PARP16: variants seen among roughly 807,000 people sequenced by gnomAD.
PARP16 encodes protein mono-ADP-ribosyltransferase PARP16.
A neutral mutation model predicts 35.0 loss-of-function variants in PARP16; 31 were observed. The observed-to-expected ratio is 0.88, with a 90% CI of 0.66 to 1.19. The LOEUF is 1.19. PARP16 is among the 50% of genes most tolerant of loss of function. PARP16 has a pLI of 0.00. For synonymous variants in PARP16, 162 were observed against 169.5 expected (o/e 0.96, Z 0.34); for missense variants, 424 against 411.2 (o/e 1.03, Z -0.27).
At chr15:65,232,225 G>A (rs1054842300), downstream of PARP16, among the ~76,000 whole-genome samples, 1 of 152,122 alleles carries the variant, frequency 6.6e-6, no homozygotes, top group African/African-American at 2.4e-5. Context: ...AGGTAGTGGT[G>A]TTTATATCTA....
intron 3 of PARP16, among the ~76,000 whole-genome samples, chr15:65,240,528 ACT>A (rs2089043466): frequency 6.6e-6 from 1 of 150,696 alleles, no homozygotes; most frequent in African/African-American, 2.4e-5. Context: ...TGGCCTATAT[ACT>A]CTTTTTTATA....
chr15:65,282,373 C>T (rs2090445358), intron 1 of PARP16, among the ~76,000 whole-genome samples: 1 of 152,174 alleles, frequency 6.6e-6, no homozygotes, highest in East Asian at 1.9e-4. Context: ...CTAGCCAGTC[C>T]ATTCCAGACC....
chr15:65,278,076 G>A (rs1283147725), intron 1 of PARP16, among the ~76,000 whole-genome samples: 2 of 152,182 alleles, frequency 1.3e-5, no homozygotes, highest in Admixed American at 1.3e-4. Flanking sequence ...CGGCAGATGG[G>A]CAGAGAAGTG....
chr15:65,275,108 C>T (rs898316821), intron 1 of PARP16, among the ~76,000 whole-genome samples: 1 of 151,036 alleles, frequency 6.6e-6, no homozygotes, highest in Non-Finnish European at 1.5e-5. Flanking sequence ...CAGCGAGACC[C>T]TGTCTCAAAA....
At chr15:65,271,381 C>A (rs1262117522) in intron 1 of PARP16, among the ~76,000 whole-genome samples, 1 of 152,028 alleles carries the variant, frequency 6.6e-6, no homozygotes, top group East Asian at 1.9e-4. Flanking sequence ...TCAAGCAATT[C>A]TCCCACCTCA....
downstream of PARP16, among the ~76,000 whole-genome samples, chr15:65,232,011 ATTGT>A (rs1020381574): frequency 2.0e-5 from 3 of 151,848 alleles, no homozygotes; most frequent in Non-Finnish European, 4.4e-5. Context: ...ATTCTTGCTT[ATTGT>A]TTGTACCTAC....
Position 65,240,312 on chromosome 15 carries a change from T to TGTGGG in PARP16, c.*98-5490_*98-5489insCCCAC, listed in dbSNP as rs1567008503. On this transcript the variant is annotated intron_variant and NMD_transcript_variant, in intron 3 of 3. Transcript: ENST00000559805. ...GCCTGGCTAGTGTGTGTGTGTGTGG[T>TGTGGG]GGGGGGGGCTAGTGTGTGTGTGTGT... Among the ~76,000 whole-genome samples the TGTGGG allele has an allele frequency of 1.9e-3, 192 of 102,246 alleles. 1 individual carries two copies. Among genetic ancestry groups the TGTGGG allele is most frequent in the Non-Finnish European group, 3.0e-3 (137 of 45,344 alleles). 67.1% of individuals were successfully genotyped at this position (102,246 alleles called of 152,430 possible). A position where few individuals can be genotyped will look rare whatever the true frequency, so the allele number is the denominator to read the frequency against.
intron 3 of PARP16, among the ~76,000 whole-genome samples, chr15:65,264,541 A>T (rs2089832539): frequency 6.6e-6 from 1 of 152,176 alleles, no homozygotes; most frequent in East Asian, 1.9e-4. Flanking sequence ...AATGAAACAG[A>T]CCTTTGCTTG....
chr15:65,261,218 A>C (rs2089701106), intron 4 of PARP16, among the ~76,000 whole-genome samples, 192 bp from the exon 5 acceptor site: 2 of 151,784 alleles, frequency 1.3e-5, no homozygotes, highest in Admixed American at 6.6e-5. Context: ...GAGGAGGAAA[A>C]AAAGAGTAGG....
rs1253320678 is a variant in PARP16 at position 65,258,374 on chromosome 15, C to G, written c.*1033G>C. The stretch of plus-strand genomic sequence containing the variant: ...CAGGCTGAGTCTCAAAGACCTGTGA[C>G]CCCTCTGAAGGAGGCTCCATCCACA... On this transcript the variant is annotated 3_prime_UTR_variant, in exon 6 of 6. Transcript: ENST00000649807. 4 of 152,230 alleles carry G rather than the reference C, an allele frequency of 2.6e-5. No individual in the cohort carries two copies. The highest frequency in any genetic ancestry group is 5.9e-5 in the Non-Finnish European group (4 of 68,056). The allele number at this position is 152,230 out of a possible 1,614,324, so 9.4% of individuals were successfully genotyped here.
Position 65,259,459 on chromosome 15 carries a change from C to G in PARP16, c.917G>C (p.Ser306Thr). The change falls in exon 6 of 6, where the codon AGT becomes ACT. Residue 306 changes from serine (S) to threonine (T), a missense_variant. By Grantham distance (58) the Ser-to-Thr change is moderately conservative. Transcript: ENST00000649807. ...TTGGAAAGCAGAGGAGTTGATGACA[C>G]TCACTATGAGCAGCAGCAGCAGATA... is the stretch of plus-strand genomic sequence containing the variant. Reference protein sequence around the residue: ...SLYLLLLLIVSVINSSAFQHF... With the variant: ...SLYLLLLLIVTVINSSAFQHF... The G allele has an allele frequency of 6.2e-7, 1 of 1,614,044 alleles. No individual in the cohort carries two copies. The highest frequency in any genetic ancestry group is 8.5e-7 in the Non-Finnish European group (1 of 1,179,878).
At chr15:65,265,709 C>T (rs1354424191) in intron 3 of PARP16, among the ~76,000 whole-genome samples, 1 of 152,076 alleles carries the variant, frequency 6.6e-6, no homozygotes, top group African/African-American at 2.4e-5. Context: ...AGTGTGGATT[C>T]CGATCAGGTG....
intron 3 of PARP16, among the ~76,000 whole-genome samples, chr15:65,265,917 A>T (rs1379126807): frequency 1.3e-5 from 2 of 152,078 alleles, no homozygotes; most frequent in Non-Finnish European, 2.9e-5. Flanking sequence ...GGGATTTTTT[A>T]TTATTTATTT....
rs766600323 is a variant in PARP16, at chr15:65,266,551, T to C, written c.519+11A>G. 35 of 1,608,706 alleles carry C rather than the reference T, an allele frequency of 2.2e-5. No homozygotes were observed. Among genetic ancestry groups the C allele is most frequent in the Non-Finnish European group, 2.9e-5 (34 of 1,175,150 alleles). On this transcript the variant is annotated intron_variant, in intron 3 of 5. Transcript: ENST00000649807. ...CTTCCCCACATCAGCAGGGTGTCCC[T>C]TAGGCCCCACCTTGTTCAGATGGCA...
chr15:65,260,590 G>A (rs1381954483), intron 5 of PARP16, among the ~76,000 whole-genome samples: 1 of 152,110 alleles, frequency 6.6e-6, no homozygotes, highest in Non-Finnish European at 1.5e-5. Flanking sequence ...TGCAATCATG[G>A]GCCTAATGGC....
Position 65,266,626 on chromosome 15 carries a change from T to A in PARP16, c.455A>T (p.His152Leu), listed in dbSNP as rs758400971. The change falls in exon 3 of 6, where the codon CAT (histidine) becomes CTT (leucine). Residue 152 changes from histidine (H) to leucine (L), a missense_variant. By Grantham distance (99) the His-to-Leu change is moderately conservative (BLOSUM62 -3). Coordinates refer to ENST00000649807, the MANE Select transcript of PARP16 (RefSeq NM_001316943.2). ...ATGGAAGTTTTCTAGGCGGCTACCA[T>A]GAAATGCATAGATTAGGTCTCGTTC... ...KGERDLIYAF[H>L]GSRLENFHSI... is the part of the protein sequence containing the mutation. The A allele has an allele frequency of 5.6e-6, 9 of 1,614,128 alleles. No homozygotes were observed. The highest frequency in any genetic ancestry group is 7.6e-6 in the Non-Finnish European group (9 of 1,180,010).
At chr15:65,269,207 T>TCTTTCTTTCTTTCTTTC (rs71136333) in intron 2 of PARP16, among the ~76,000 whole-genome samples, 22 of 150,852 alleles carry the variant, frequency 1.5e-4, no homozygotes, top group South Asian at 8.4e-4. Context: ...TTTCTTTCTT[T>TCTTTCTTTCTTTCTTTC]TTTTTTTGAG....
chr15:65,267,678 C>CTTTTTTTTTTTTTT (rs556058787), intron 2 of PARP16, among the ~76,000 whole-genome samples: 3 of 53,034 alleles, frequency 5.7e-5, no homozygotes, highest in African/African-American at 1.5e-4. Context: ...ATTTTCCTAA[C>CTTTTTTTTTTTTTT]TTTTTTTTTT....
chr15:65,233,912 A>G (rs1023513345), downstream of PARP16, among the ~76,000 whole-genome samples: 7 of 152,098 alleles, frequency 4.6e-5, no homozygotes, highest in Admixed American at 3.9e-4. Flanking sequence ...TCAGTGCAGT[A>G]AAAAAATTTT....
Sources: allele counts gnomAD v4.1 joint callset (sites outside exome capture counted in the v4.1 genomes callset), GRCh38; gene constraint gnomAD v4.1.1; transcripts MANE v1.5; gene names NCBI Gene and HGNC (gene_info 2026-07-23, HGNC 2026-07-21).